The following MARVELD3 variants were observed in gnomAD, a reference collection of about 807,000 sequenced individuals.
MARVELD3 encodes MARVEL domain containing 3.
Under a neutral mutation model 33.5 loss-of-function variants are expected in MARVELD3, and 28 were observed. The ratio of observed to expected loss-of-function variants is 0.84; its 90% CI spans 0.62 to 1.15. MARVELD3 has a LOEUF of 1.15. Ranked by LOEUF, MARVELD3 falls within the 50% of genes most tolerant of loss-of-function variation. The probability of loss-of-function intolerance (pLI) is 0.00; values close to 1 mark genes in which losing one functional copy is unlikely to be tolerated. For synonymous variants in MARVELD3, 241 were observed against 230.4 expected (o/e 1.05, Z -0.42); for missense variants, 582 against 547.6 (o/e 1.06, Z -0.63).
At chr16:71,636,693 C>A (rs987774775), downstream of MARVELD3, among the ~76,000 whole-genome samples, 3 of 152,120 alleles carry the variant, frequency 2.0e-5, no homozygotes, top group Non-Finnish European at 4.4e-5. Context: ...CAGGCTTAAG[C>A]TGTCCTCCCA....
intron 2 of MARVELD3, among the ~76,000 whole-genome samples, chr16:71,630,150 G>T (rs950257820): frequency 6.6e-6 from 1 of 151,982 alleles, no homozygotes; most frequent in African/African-American, 2.4e-5. Flanking sequence ...ACTCTGGGAG[G>T]TCAAGGTGGG....
Position 71,635,190 on chromosome 16 carries a change from G to T in MARVELD3, c.*387G>T. 2.7e-6 allele frequency: 2 copies of T among 733,844 alleles called. No individual in the cohort carries two copies. Among genetic ancestry groups the T allele is most frequent in the East Asian group, 1.3e-4 (1 of 7,926 alleles). The allele number at this position is 733,844 out of a possible 1,614,324, so 45.5% of individuals were successfully genotyped here. On this transcript the variant is annotated 3_prime_UTR_variant, in exon 3 of 3. Transcript: ENST00000268485. ...TAAAATACAAAAAAATTAGCCAGGC[G>T]TGGTGGCGGGCGCCTGTAATCCCAG...
At chr16:71,637,481 C>T (rs549623063), downstream of MARVELD3, among the ~76,000 whole-genome samples, 190 of 152,274 alleles carry the variant, frequency 1.2e-3, no homozygotes, top group African/African-American at 4.4e-3. Flanking sequence ...TGTAAACCAG[C>T]AGCTTACTGT....
At chr16:71,631,120 T>C (rs2044528381) in intron 2 of MARVELD3, among the ~76,000 whole-genome samples, 1 of 152,200 alleles carries the variant, frequency 6.6e-6, no homozygotes, top group Admixed American at 6.5e-5. Context: ...AAGATGCATA[T>C]GATTATAGGA....
rs746410589 is a variant in MARVELD3 at position 71,634,571 on chromosome 16, T to G, written c.974T>G (p.Phe325Cys). 4 of 1,614,164 alleles carry G rather than the reference T, an allele frequency of 2.5e-6. No homozygotes were observed. In the Admixed American group the frequency reaches 6.7e-5, roughly 27 times the overall value. The change falls in exon 3 of 3, where the codon TTC (phenylalanine) becomes TGC (cysteine). Residue 325 changes from phenylalanine (F) to cysteine (C), a missense_variant. Transcript: ENST00000268485. Reference protein sequence around the residue: ...GGYIPALYFYFHYLSAAYGSP... With the variant: ...GGYIPALYFYCHYLSAAYGSP... ...TACATCCCGGCCTTGTACTTCTACTTCCACTACCTCTCTGCTGCCTATGGC... is the reference window on the plus strand; with the variant it reads ...TACATCCCGGCCTTGTACTTCTACTGCCACTACCTCTCTGCTGCCTATGGC...
downstream of MARVELD3, chr16:71,640,638 A>T (rs754729958): frequency 6.2e-7 from 1 of 1,614,188 alleles, no homozygotes; most frequent in East Asian, 2.2e-5. Flanking sequence ...GGTCCTCACC[A>T]TGGGTGTTTT....
Position 71,634,563 on chromosome 16 carries a change from C to A in MARVELD3, c.966C>A (p.Tyr322Ter). Residue 322 changes from tyrosine to a stop codon, truncating the protein, a stop_gained, in exon 3 of 3, where the codon TAC (tyrosine) becomes TAA (stop). Coordinates refer to ENST00000268485, the MANE Select transcript of MARVELD3 (RefSeq NM_052858.6). LOFTEE classifies it high-confidence loss of function. ...LIAGGYIPAL[Y>*]FYFHYLSAAY... is the part of the protein sequence containing the mutation. ...CGGGGGGGTACATCCCGGCCTTGTA[C>A]TTCTACTTCCACTACCTCTCTGCTG... 2.5e-6 allele frequency: 4 copies of A among 1,614,170 alleles called. No individual in the cohort carries two copies. The South Asian group carries it at 3.3e-5, about 13-fold the overall frequency.
downstream of MARVELD3, chr16:71,640,770 C>T: frequency 1.9e-6 from 3 of 1,614,256 alleles, no homozygotes; most frequent in Non-Finnish European, 2.5e-6. Context: ...CCACGTGGCT[C>T]TGCAGATCAA....
At position 71,626,821 on chromosome 16, in the gene MARVELD3, C is replaced by T; in HGVS notation, c.467+125C>T. ...CCGTTTAAATGAACAAATGCCGTTT[C>T]TCCCTTCTGCGCTCTCAGAGGCGAC... On this transcript the variant is annotated intron_variant, in intron 1 of 2. Coordinates refer to ENST00000268485, the MANE Select transcript of MARVELD3 (RefSeq NM_052858.6). The surrounding 1 kb of genome is among the most constrained non-coding windows in gnomAD (Gnocchi z 5.3). 1 of 834,552 alleles carries T rather than the reference C, an allele frequency of 1.2e-6. No individual in the cohort carries two copies. The highest frequency in any genetic ancestry group is 1.7e-6 in the Non-Finnish European group (1 of 588,094). The allele number at this position is 834,552 out of a possible 1,614,324, so 51.7% of individuals were successfully genotyped here. A position where few individuals can be genotyped will look rare whatever the true frequency, so the allele number is the denominator to read the frequency against.
Position 71,626,503 on chromosome 16 carries a change from G to A in MARVELD3, c.274G>A (p.Asp92Asn). The A allele has an allele frequency of 6.5e-7, 1 of 1,549,860 alleles. No individual in the cohort carries two copies. Among genetic ancestry groups the A allele is most frequent in the Non-Finnish European group, 8.7e-7 (1 of 1,146,840 alleles). The change falls in exon 1 of 3, where the codon GAC (aspartate) becomes AAC (asparagine). Residue 92 changes from aspartate to asparagine, a missense_variant. Coordinates refer to ENST00000268485, the MANE Select transcript of MARVELD3 (RefSeq NM_052858.6). This position sits in a 1 kb window ranked among gnomAD's most constrained non-coding sequence, Gnocchi z 5.3. ...ERDPDRGPRRDTHRDAGPRAG... is the reference protein window; with the variant it reads ...ERDPDRGPRRNTHRDAGPRAG... Reference sequence around the variant, plus strand: ...AGACCCGGACCGAGGCCCCCGCCGGGACACACACAGGGACGCGGGCCCTCG... The same window carrying A: ...AGACCCGGACCGAGGCCCCCGCCGGAACACACACAGGGACGCGGGCCCTCG...
chr16:71,641,040 C>T, downstream of MARVELD3: 2 of 1,585,820 alleles, frequency 1.3e-6, no homozygotes, highest in Non-Finnish European at 1.7e-6. Context: ...TCTTCCGGAA[C>T]CTAAATGTGA....
At chr16:71,630,798 T>C (rs973456994) in intron 2 of MARVELD3, among the ~76,000 whole-genome samples, 8 of 152,156 alleles carry the variant, frequency 5.3e-5, no homozygotes, top group Non-Finnish European at 1.5e-5. Context: ...AATATTCTGA[T>C]ATTTTCTATC....
In MARVELD3 at chr16:71,626,602, G is replaced by A; in HGVS notation, c.373G>A (p.Asp125Asn). The stretch of plus-strand genomic sequence containing the variant: ...GGACGGAGCCCGGGGACTGACCTGG[G>A]ACGCAGCCGCGCCTCCTGGGCCCGC... ...TRDGARGLTW[D>N]AAAPPGPAPW... The change falls in exon 1 of 3, where the codon GAC becomes AAC. Residue 125 changes from aspartate (D) to asparagine (N), a missense_variant. Coordinates refer to ENST00000268485, the MANE Select transcript of MARVELD3 (RefSeq NM_052858.6). This position sits in a 1 kb window ranked among gnomAD's most constrained non-coding sequence, Gnocchi z 5.3. 1 of 1,542,108 alleles carries A rather than the reference G, an allele frequency of 6.5e-7. No individual in the cohort carries two copies. The highest frequency in any genetic ancestry group is 8.7e-7 in the Non-Finnish European group (1 of 1,146,084).
chr16:71,630,670 C>T (rs909301122), intron 2 of MARVELD3, among the ~76,000 whole-genome samples: 9 of 150,534 alleles, frequency 6.0e-5, no homozygotes, highest in African/African-American at 1.7e-4. Flanking sequence ...TATATATATA[C>T]ACACACATAA....
intron 1 of MARVELD3, 133 bp from the exon 2 acceptor site, chr16:71,629,234 G>A: frequency 9.1e-7 from 1 of 1,104,228 alleles, no homozygotes; most frequent in Non-Finnish European, 1.2e-6. Flanking sequence ...ATTCTCTGGA[G>A]TTTAAAATAC....
chr16:71,633,288 G>C (rs944573634), intron 2 of MARVELD3, among the ~76,000 whole-genome samples: 5 of 152,070 alleles, frequency 3.3e-5, no homozygotes, highest in African/African-American at 1.2e-4. Flanking sequence ...CTTGAGCCTG[G>C]GAGGTCAAGG....
chr16:71,640,851 C>T, downstream of MARVELD3: 1 of 1,614,220 alleles, frequency 6.2e-7, no homozygotes, highest in East Asian at 2.2e-5. Context: ...GGACTGCCAG[C>T]TGGCAGGCAC....
downstream of MARVELD3, among the ~76,000 whole-genome samples, chr16:71,636,963 C>T (rs2044585684): frequency 6.6e-6 from 1 of 152,200 alleles, no homozygotes; most frequent in African/African-American, 2.4e-5. Context: ...AAACCCTCTG[C>T]TGTCTTTCCG....
rs1412006754 is a variant in MARVELD3 at position 71,635,998 on chromosome 16, AT to A, written c.*1196del. ...TTCAGGATTCATCCAGAATAAAAGGATGTAAAATCTTTCCCAACAGAAGAGT... is the reference window on the plus strand; with the variant it reads ...TTCAGGATTCATCCAGAATAAAAGGAGTAAAATCTTTCCCAACAGAAGAGT... On this transcript the variant is annotated 3_prime_UTR_variant, in exon 3 of 3. Transcript: ENST00000268485. 2 of 985,334 alleles carry A rather than the reference AT, an allele frequency of 2.0e-6. No individual in the cohort carries two copies. Among genetic ancestry groups the A allele is most frequent in the Admixed American group, 1.2e-4 (2 of 16,266 alleles). The allele number at this position is 985,334 out of a possible 1,614,324, so 61.0% of individuals were successfully genotyped here.
Sources: allele counts gnomAD v4.1 joint callset (sites outside exome capture counted in the v4.1 genomes callset), GRCh38; gene constraint gnomAD v4.1.1; non-coding constraint Gnocchi (gnomAD v3.1); transcripts MANE v1.5; gene names NCBI Gene and HGNC (gene_info 2026-07-23, HGNC 2026-07-21).